The following TENM2 variants were observed in gnomAD, a reference collection of about 807,000 sequenced individuals.
TENM2 encodes teneurin-2.
TENM2 carries 52 observed loss-of-function variants against 245.2 expected under a neutral mutation model. The observed-to-expected ratio is 0.21, with a 90% CI of 0.17 to 0.27. The LOEUF is 0.27. Ranked by LOEUF, TENM2 falls within the 10% of genes least tolerant of loss-of-function variation. The pLI is 1.00. For synonymous variants in TENM2, 1,363 were observed against 1,438.9 expected (o/e 0.95, Z 1.19); for missense variants, 3,046 against 3,666.8 (o/e 0.83, Z 4.37).
intron 2 of TENM2, among the ~76,000 whole-genome samples, chr5:167,584,228 A>T (rs577072380): frequency 3.5e-4 from 53 of 152,292 alleles, no homozygotes; most frequent in African/African-American, 1.0e-3. Context: ...ACAAAAGTGC[A>T]CTCCATAGAG....
intron 27 of TENM2, among the ~76,000 whole-genome samples, chr5:168,257,276 G>A (rs1377675644): frequency 1.3e-5 from 2 of 152,118 alleles, no homozygotes. Flanking sequence ...TGCAAGAGGT[G>A]GGGATGGGGG....
chr5:167,326,738 C>T (rs1757111036), intron 1 of TENM2, among the ~76,000 whole-genome samples: 1 of 148,190 alleles, frequency 6.7e-6, no homozygotes, highest in African/African-American at 2.5e-5. Flanking sequence ...AAAGTCAAGC[C>T]TCCTAAGTCA....
intron 2 of TENM2, among the ~76,000 whole-genome samples, chr5:167,833,436 T>G (rs1211901526): frequency 6.6e-6 from 1 of 152,132 alleles, no homozygotes; most frequent in Non-Finnish European, 1.5e-5. Flanking sequence ...AAAAGGAACA[T>G]TCAAAAAGTG....
At chr5:168,198,434 G>T (rs914640472) in intron 15 of TENM2, among the ~76,000 whole-genome samples, 3 of 152,036 alleles carry the variant, frequency 2.0e-5, no homozygotes, top group Non-Finnish European at 4.4e-5. Flanking sequence ...GACCTCAAGT[G>T]ATGCACTCAC....
At chr5:167,619,708 A>T (rs995805849) in intron 2 of TENM2, among the ~76,000 whole-genome samples, 1 of 152,172 alleles carries the variant, frequency 6.6e-6, no homozygotes. Context: ...TACTTAATGC[A>T]TGCAATGTTT....
intron 3 of TENM2, among the ~76,000 whole-genome samples, chr5:167,944,141 A>G (rs1366416744): frequency 6.6e-6 from 1 of 152,228 alleles, no homozygotes; most frequent in African/African-American, 2.4e-5. Flanking sequence ...CTGACCCTTC[A>G]TGTGTGAGAA....
At chr5:167,787,534 C>G (rs12659950) in intron 2 of TENM2, among the ~76,000 whole-genome samples, 16,204 of 152,164 alleles carry the variant, frequency 0.11, 1,196 homozygotes, top group East Asian at 0.31. Flanking sequence ...TCAGGGCCTG[C>G]ATTTCCCACC....
At chr5:167,745,608 C>A (rs1177733328) in intron 2 of TENM2, among the ~76,000 whole-genome samples, 2 of 152,178 alleles carry the variant, frequency 1.3e-5, no homozygotes, top group Non-Finnish European at 2.9e-5. Context: ...GAACAACCAA[C>A]AACATCCTCC....
chr5:167,529,393 A>G (rs895140818), intron 2 of TENM2, among the ~76,000 whole-genome samples: 2 of 152,302 alleles, frequency 1.3e-5, no homozygotes, highest in South Asian at 2.1e-4. Flanking sequence ...AAGCCCTTGA[A>G]CATTCTGTAA....
chr5:168,062,201 C>G, exon 7 of TENM2: 2 of 1,613,824 alleles, frequency 1.2e-6, no homozygotes, highest in Non-Finnish European at 1.7e-6. Context: ...TTCAACATCT[C>G]CCTCGGGAAG....
chr5:167,353,700 G>T (rs1424812874), intron 1 of TENM2, among the ~76,000 whole-genome samples: 1 of 151,424 alleles, frequency 6.6e-6, no homozygotes, highest in Non-Finnish European at 1.5e-5. Flanking sequence ...GTAGAGACGG[G>T]GTTTCACCGT....
chr5:167,281,671 C>T (rs922879335), upstream of TENM2, among the ~76,000 whole-genome samples: 1 of 152,078 alleles, frequency 6.6e-6, no homozygotes, highest in Non-Finnish European at 1.5e-5. Context: ...TCAAAATGTC[C>T]AAACACTAAA....
At chr5:167,499,212 T>C (rs1047433353) in intron 2 of TENM2, among the ~76,000 whole-genome samples, 1 of 152,126 alleles carries the variant, frequency 6.6e-6, no homozygotes, top group African/African-American at 2.4e-5. Flanking sequence ...GTATCCTTTA[T>C]TGCCCCACCA....
exon 14 of TENM2, chr5:168,190,398 G>A: frequency 6.2e-7 from 1 of 1,614,018 alleles, no homozygotes; most frequent in Non-Finnish European, 8.5e-7. Flanking sequence ...AGAACAGCCT[G>A]CTCTGCCGGG....
intron 2 of TENM2, among the ~76,000 whole-genome samples, chr5:167,563,895 AC>A (rs748550136): frequency 7.9e-5 from 12 of 152,212 alleles, no homozygotes; most frequent in Non-Finnish European, 1.5e-4. Flanking sequence ...AGTAGGGTTT[AC>A]CATCTAGGTT....
intron 7 of TENM2, among the ~76,000 whole-genome samples, chr5:168,076,032 G>T (rs1402399406): frequency 1.3e-5 from 2 of 152,104 alleles, no homozygotes; most frequent in African/African-American, 4.8e-5. Context: ...GATGAGATTT[G>T]GGTGAGGACA....
At chr5:167,223,124 G>A in the TENM2 span, among the ~76,000 whole-genome samples, 1 of 152,018 alleles carries the variant, frequency 6.6e-6, no homozygotes, top group Non-Finnish European at 1.5e-5. Context: ...TAATGATCAA[G>A]CCCATGTACT....
chr5:168,231,775 A>AC (rs1257326995), intron 25 of TENM2, among the ~76,000 whole-genome samples: 24 of 151,180 alleles, frequency 1.6e-4, no homozygotes, highest in African/African-American at 5.6e-4. Flanking sequence ...AACAACAACA[A>AC]CAACCAAAAA....
In TENM2 at chr5:167,584,052, C is replaced by T. The variant is rs752536065; in HGVS notation, c.502+208579C>T. On this transcript the variant is annotated intron_variant, in intron 2 of 28. Transcript: ENST00000518659. ...GCACTCACCTTATTGTAACAGTGTC[C>T]TCACTATATATAACTGCTGGTTTAA... is the stretch of plus-strand genomic sequence containing the variant. 1.1e-4 allele frequency among the ~76,000 whole-genome samples: 16 copies of T among 152,340 alleles called. 1 individual carries two copies. The highest frequency in any genetic ancestry group is 2.1e-4 in the Non-Finnish European group (14 of 68,034).
Sources: gnomAD v4.1 joint callset for allele counts (sites outside exome capture counted in the v4.1 genomes callset) on GRCh38, gnomAD v4.1.1 for gene constraint, MANE v1.5 for transcripts, NCBI Gene and HGNC (gene_info 2026-07-23, HGNC 2026-07-21) for gene names.